Variants in RARB observed in about 807,000 individuals in gnomAD.
RARB encodes HBV-activated protein.
A neutral mutation model predicts 51.9 loss-of-function variants in RARB; 17 were observed. The observed-to-expected ratio is 0.33, with a 90% CI of 0.22 to 0.49. RARB has a LOEUF of 0.49. Ranked by LOEUF, RARB falls within the 20% of genes least tolerant of loss-of-function variation. The pLI, the probability that RARB is intolerant of heterozygous loss-of-function variation, is 0.99. For synonymous variants in RARB, 215 were observed against 195.4 expected, an observed-to-expected ratio of 1.10 and a Z score of -0.84; for missense variants, 369 against 550.8, an observed-to-expected ratio of 0.67 and a Z score of 3.30.
chr3:25,253,143 T>C (rs1273345166), intron 5 of RARB, among the ~76,000 whole-genome samples: 1 of 152,192 alleles, frequency 6.6e-6, no homozygotes, highest in Non-Finnish European at 1.5e-5. Flanking sequence ...TCTAGTCCTG[T>C]CAACTACTAG....
intron 1 of RARB, among the ~76,000 whole-genome samples, chr3:25,453,883 G>A (rs1476874793): frequency 1.3e-5 from 2 of 152,094 alleles, no homozygotes; most frequent in Non-Finnish European, 2.9e-5. Context: ...CCAAACCCGG[G>A]ACTAATCTTG....
intron 2 of RARB, among the ~76,000 whole-genome samples, chr3:24,996,951 C>G (rs375690679): frequency 3.9e-5 from 6 of 152,078 alleles, no homozygotes; most frequent in African/African-American, 1.4e-4. Flanking sequence ...GTGAAATGTT[C>G]TGCAAATGTC....
intron 5 of RARB, among the ~76,000 whole-genome samples, chr3:25,207,308 C>T (rs779528382): frequency 8.5e-5 from 13 of 152,096 alleles, no homozygotes; most frequent in Non-Finnish European, 1.8e-4. Context: ...TTTCAGATCA[C>T]GTATCTTCTT....
At chr3:25,227,466 A>T (rs767194449) in intron 5 of RARB, among the ~76,000 whole-genome samples, 8 of 152,246 alleles carry the variant, frequency 5.3e-5, no homozygotes, top group Middle Eastern at 3.4e-3. Context: ...ACTATATTAC[A>T]TATATATTTC....
chr3:25,038,672 T>G (rs994436143), intron 2 of RARB, among the ~76,000 whole-genome samples: 1 of 152,192 alleles, frequency 6.6e-6, no homozygotes, highest in Non-Finnish European at 1.5e-5. Flanking sequence ...CCCAGGGATT[T>G]CTTTCCTTGG....
At chr3:25,323,985 G>C (rs1021556015) in intron 5 of RARB, among the ~76,000 whole-genome samples, 4 of 152,008 alleles carry the variant, frequency 2.6e-5, no homozygotes, top group Admixed American at 6.6e-5. Flanking sequence ...GAAAGCAAAA[G>C]TAAACAAACA....
chr3:25,307,246 G>C (rs538243598), intron 5 of RARB, among the ~76,000 whole-genome samples: 1 of 152,186 alleles, frequency 6.6e-6, no homozygotes, highest in South Asian at 2.1e-4. Flanking sequence ...AATTAGCCGG[G>C]TGTGGTGGTG....
At chr3:24,877,346 C>CTTTTTT (rs66976672) in intron 2 of RARB, among the ~76,000 whole-genome samples, 4,180 of 81,698 alleles carry the variant, frequency 0.051, 504 homozygotes, top group African/African-American at 0.066. Context: ...AGCAATCTTA[C>CTTTTTT]TTTTTTTTTT....
intron 5 of RARB, among the ~76,000 whole-genome samples, chr3:25,186,266 G>GA (rs1700971956): frequency 6.6e-6 from 1 of 151,996 alleles, no homozygotes. Context: ...CAGTACAGAT[G>GA]AAAAAATTAA....
At chr3:25,163,507 ATATATAT>A (rs1700509020) in intron 4 of RARB, among the ~76,000 whole-genome samples, 1 of 14,266 alleles carries the variant, frequency 7.0e-5, no homozygotes, top group African/African-American at 2.1e-4. Flanking sequence ...ATCTCAAAAT[ATATATAT>A]ATATATATAT....
chr3:24,955,812 G>A (rs530821791), intron 2 of RARB, among the ~76,000 whole-genome samples: 1 of 152,192 alleles, frequency 6.6e-6, no homozygotes, highest in Admixed American at 6.5e-5. Flanking sequence ...GAGTGGAGCT[G>A]CACAGGAATA....
At chr3:25,106,451 G>GGTTTTTTTTTTTTTT (rs1575163102) in intron 3 of RARB, among the ~76,000 whole-genome samples, 8 of 70,530 alleles carry the variant, frequency 1.1e-4, no homozygotes, top group African/African-American at 3.7e-4. Context: ...ACTGTTTTTT[G>GGTTTTTTTTTTTTTT]TTTTTTGTTT....
At chr3:25,260,041 G>A in intron 5 of RARB, 1 of 967,954 alleles carries the variant, frequency 1.0e-6, no homozygotes, top group Non-Finnish European at 1.2e-6. Context: ...CTTCCCCCAT[G>A]GTGTGAGTTC....
intron 3 of RARB, among the ~76,000 whole-genome samples, chr3:25,517,428 C>A (rs570662846): frequency 4.1e-4 from 62 of 152,232 alleles, no homozygotes; most frequent in African/African-American, 1.3e-3. Context: ...AAATGCAGGT[C>A]AAAACCATGA....
intron 5 of RARB, among the ~76,000 whole-genome samples, chr3:25,403,118 G>A (rs1327152594): frequency 3.4e-5 from 5 of 148,406 alleles, no homozygotes; most frequent in African/African-American, 1.0e-4. Context: ...AGCTGAGATC[G>A]TGCCACTGCA....
intron 2 of RARB, among the ~76,000 whole-genome samples, chr3:25,007,927 C>T (rs982713335): frequency 6.6e-6 from 1 of 152,042 alleles, no homozygotes; most frequent in African/African-American, 2.4e-5. Context: ...AATTATGGAA[C>T]ATGAGCGTTG....
At chr3:25,137,865 G>A (rs139921744) in intron 4 of RARB, among the ~76,000 whole-genome samples, 5 of 152,220 alleles carry the variant, frequency 3.3e-5, no homozygotes, top group African/African-American at 1.2e-4. Flanking sequence ...AAACTACTTT[G>A]TAAGACCTGA....
rs1695350933 is a variant in RARB at position 25,464,823 on chromosome 3, G to A, written c.306+3482G>A. 2.6e-5 allele frequency among the ~76,000 whole-genome samples: 4 copies of A among 152,020 alleles called. No homozygotes were observed. In the South Asian group the frequency reaches 8.3e-4, roughly 32 times the overall value. ...GTATATGCATATTGTTATTGTTTCA[G>A]AAAAATGGAATTTTGTGTTGTATAC... On this transcript the variant is annotated intron_variant, in intron 2 of 7. Transcript: ENST00000330688.
At chr3:25,208,060 G>A (rs1178908689) in intron 5 of RARB, among the ~76,000 whole-genome samples, 1 of 152,048 alleles carries the variant, frequency 6.6e-6, no homozygotes, top group Non-Finnish European at 1.5e-5. Flanking sequence ...GCACCGTTAA[G>A]CAACCGGATC....
Sources: allele counts gnomAD v4.1 joint callset (sites outside exome capture counted in the v4.1 genomes callset), GRCh38; gene constraint gnomAD v4.1.1; transcripts MANE v1.5; gene names NCBI Gene and HGNC (gene_info 2026-07-23, HGNC 2026-07-21).